The following SHANK2 variants were observed in gnomAD, a reference collection of about 807,000 sequenced individuals.
SHANK2 encodes SH3 and multiple ankyrin repeat domains 2.
Under a neutral mutation model 133.7 loss-of-function variants are expected in SHANK2, and 43 were observed. The ratio of observed to expected loss-of-function variants is 0.32; its 90% CI spans 0.25 to 0.41. The LOEUF (loss-of-function observed/expected upper bound fraction) is 0.41, where lower values mean the gene tolerates loss of function less well. SHANK2 is among the 10% of genes least tolerant of loss of function. SHANK2 has a pLI of 1.00. For missense variants in SHANK2, 1,994 were observed against 2,235.8 expected (o/e 0.89, Z 2.18); for synonymous variants, 1,017 against 952.8 (o/e 1.07, Z -1.24).
intron 12 of SHANK2, 50 bp downstream of exon 12, chr11:70,820,314 A>G (rs1590721119): frequency 1.7e-6 from 1 of 592,668 alleles, no homozygotes; most frequent in Non-Finnish European, 3.1e-6. Context: ...AGGAGCTGGG[A>G]CCCCCAGCAC....
chr11:70,876,249 C>G lies in SHANK2; in HGVS notation c.1174+20252G>C, dbSNP rs1291788130. 2.9e-3 allele frequency among the ~76,000 whole-genome samples: 406 copies of G among 140,122 alleles called. 1 individual carries two copies. Among genetic ancestry groups the G allele is most frequent in the African/African-American group, 0.01 (384 of 38,196 alleles). The allele number at this position is 140,122 out of a possible 152,430, so 91.9% of individuals were successfully genotyped here. A position where few individuals can be genotyped will look rare whatever the true frequency, so the allele number is the denominator to read the frequency against. The stretch of plus-strand genomic sequence containing the variant: ...ATACACACACACACATATAGACACA[C>G]ACACACACACACACACACACACACA... On this transcript the variant is annotated intron_variant, in intron 11 of 25. Coordinates refer to ENST00000601538, the MANE Select transcript of SHANK2 (RefSeq NM_012309.5).
At chr11:70,526,526 G>A (rs782017203) in intron 17 of SHANK2, among the ~76,000 whole-genome samples, 8 of 152,178 alleles carry the variant, frequency 5.3e-5, no homozygotes, top group Non-Finnish European at 8.8e-5. Flanking sequence ...TGTGCTCAGC[G>A]CACACGCGTC....
chr11:70,845,221 A>G (rs1412263653), intron 11 of SHANK2, among the ~76,000 whole-genome samples: 20 of 148,242 alleles, frequency 1.3e-4, no homozygotes, highest in African/African-American at 2.2e-4. Flanking sequence ...AAAAAAAAAG[A>G]AAAAGAAAGA....
chr11:70,660,675 C>A (rs781958365), intron 16 of SHANK2, among the ~76,000 whole-genome samples: 1 of 152,164 alleles, frequency 6.6e-6, no homozygotes, highest in Non-Finnish European at 1.5e-5. Context: ...GATAAAGATT[C>A]CAGCAGGGGG....
chr11:70,478,520 A>AT (rs2058692964), intron 25 of SHANK2, among the ~76,000 whole-genome samples: 1 of 152,196 alleles, frequency 6.6e-6, no homozygotes, highest in African/African-American at 2.4e-5. Context: ...CTGCTTTCTT[A>AT]TTTTTTCCAT....
intron 14 of SHANK2, among the ~76,000 whole-genome samples, chr11:70,779,862 C>A (rs1322925049): frequency 6.6e-6 from 1 of 152,214 alleles, no homozygotes; most frequent in Non-Finnish European, 1.5e-5. Context: ...CTGACCCAGA[C>A]CCGGCCAGTC....
chr11:70,664,359 C>G (rs545261078), intron 15 of SHANK2, among the ~76,000 whole-genome samples: 1 of 152,328 alleles, frequency 6.6e-6, no homozygotes, highest in South Asian at 2.1e-4. Context: ...TCTCCTGTGT[C>G]TCCTTCATGG....
intron 11 of SHANK2, among the ~76,000 whole-genome samples, chr11:70,874,372 G>A (rs1021433542): frequency 1.3e-5 from 2 of 151,742 alleles, no homozygotes; most frequent in South Asian, 2.1e-4. Flanking sequence ...ATTGAGACAG[G>A]GTCTCTGTTA....
intron 8 of SHANK2, among the ~76,000 whole-genome samples, chr11:71,086,233 TATATA>T (rs1350512055): frequency 1.9e-5 from 1 of 52,396 alleles, no homozygotes; most frequent in Admixed American, 3.8e-4. Flanking sequence ...TATATTAAAT[TATATA>T]ATATATTATG....
chr11:70,887,421 G>A lies in SHANK2; in HGVS notation c.1174+9080C>T, dbSNP rs562328273. On this transcript the variant is annotated intron_variant, in intron 11 of 25. Transcript: ENST00000601538. ...AACAGCATCACAGCATCAGACAACA[G>A]CAACATACATGCTGGCCGGATTGTG... is the stretch of plus-strand genomic sequence containing the variant. Among the ~76,000 whole-genome samples, 12 of 150,922 alleles carry A rather than the reference G, an allele frequency of 8.0e-5. No individual in the cohort carries two copies. The South Asian group carries it at 2.3e-3, about 29-fold the overall frequency.
At chr11:70,627,992 C>T (rs951454266) in intron 17 of SHANK2, among the ~76,000 whole-genome samples, 2 of 152,190 alleles carry the variant, frequency 1.3e-5, no homozygotes, top group African/African-American at 2.4e-5. Flanking sequence ...CAGAGTCTCG[C>T]TCTGTCGCCC....
intron 17 of SHANK2, among the ~76,000 whole-genome samples, chr11:70,546,512 T>A (rs1183483947): frequency 6.6e-6 from 1 of 152,330 alleles, no homozygotes; most frequent in Non-Finnish European, 1.5e-5. Context: ...GCTTTTTTAT[T>A]ATTCCAAGTT....
At chr11:70,559,850 T>A (rs1250323898) in intron 17 of SHANK2, among the ~76,000 whole-genome samples, 2 of 145,268 alleles carry the variant, frequency 1.4e-5, no homozygotes, top group African/African-American at 5.1e-5. Flanking sequence ...AGACCACCCA[T>A]ATTCTGGGGG....
chr11:71,213,003 A>G (rs1161199763), intron 2 of SHANK2, among the ~76,000 whole-genome samples: 2 of 151,866 alleles, frequency 1.3e-5, no homozygotes, highest in Non-Finnish European at 2.9e-5. Context: ...AGGCACAGGG[A>G]GAGGAGCAGG....
chr11:70,683,789 GT>G (rs797024653), intron 15 of SHANK2, among the ~76,000 whole-genome samples: 24 of 143,806 alleles, frequency 1.7e-4, no homozygotes, highest in Admixed American at 3.5e-4. Flanking sequence ...TCTCCTTTTT[GT>G]TTTTTTTTTT....
chr11:71,153,717 C>T lies in SHANK2; in HGVS notation c.-12-6379G>A, dbSNP rs141488657. 7.2e-5 allele frequency among the ~76,000 whole-genome samples: 11 copies of T among 152,238 alleles called. 1 individual carries two copies. The East Asian group carries it at 1.2e-3, about 16-fold the overall frequency. ...TGCAGTGGCTCACGCCTGTAATCCC[C>T]GCACTTTCAGAGGCCAAGGTGGGTG... On this transcript the variant is annotated intron_variant, in intron 2 of 25. Coordinates refer to ENST00000601538, the MANE Select transcript of SHANK2 (RefSeq NM_012309.5).
rs896122916 is a variant in SHANK2, at chr11:70,548,222, C to T, written c.2062-45291G>A. Among the ~76,000 whole-genome samples, 6 of 152,226 alleles carry T rather than the reference C, an allele frequency of 3.9e-5. No homozygotes were observed. In the East Asian group the frequency reaches 5.8e-4, roughly 15 times the overall value. On this transcript the variant is annotated intron_variant, in intron 17 of 25. Coordinates refer to ENST00000601538, the MANE Select transcript of SHANK2 (RefSeq NM_012309.5). ...CGGCTGCTCTCCCCACTCAGCGGCC[C>T]GCTGCCTGAAATAGATGCTTCCAGT... is the stretch of plus-strand genomic sequence containing the variant.
At chr11:70,911,296 C>A in intron 10 of SHANK2, 8 of 428,680 alleles carry the variant, frequency 1.9e-5, no homozygotes, top group South Asian at 1.4e-4. Flanking sequence ...GTGGAGGTTG[C>A]AGTGAGCCAA....
chr11:71,221,909 G>T lies in SHANK2; in HGVS notation c.-13+2788C>A, dbSNP rs373459885. The stretch of plus-strand genomic sequence containing the variant: ...CAATGTTCATGATCAATGAATGGGG[G>T]TCTGAGGACATTGGGAGAGCCACTG... On this transcript the variant is annotated intron_variant, in intron 2 of 25. Coordinates refer to ENST00000601538, the MANE Select transcript of SHANK2 (RefSeq NM_012309.5). Among the ~76,000 whole-genome samples, 7 of 152,260 alleles carry T rather than the reference G, an allele frequency of 4.6e-5. No homozygotes were observed. In the East Asian group the frequency reaches 9.7e-4, roughly 21 times the overall value.
Sources: allele counts gnomAD v4.1 joint callset (sites outside exome capture counted in the v4.1 genomes callset), GRCh38; gene constraint gnomAD v4.1.1; transcripts MANE v1.5; gene names NCBI Gene and HGNC (gene_info 2026-07-23, HGNC 2026-07-21).